The following NCOA2 variants were observed in gnomAD, a reference collection of about 807,000 sequenced individuals.
NCOA2 encodes the protein nuclear receptor coactivator 2, also known as class E basic helix-loop-helix protein 75.
Under a neutral mutation model 145.1 loss-of-function variants are expected in NCOA2, and 21 were observed. That is an observed-to-expected ratio of 0.14 (90% CI 0.10 to 0.21). The LOEUF is 0.21. Among genes scored for constraint, NCOA2 ranks in the 10% least tolerant of loss-of-function variants. The probability of loss-of-function intolerance (pLI) is 1.00; values close to 1 mark genes in which losing one functional copy is unlikely to be tolerated. For missense variants in NCOA2, 1,472 were observed against 1,837.6 expected (o/e 0.80, Z 3.64); for synonymous variants, 619 against 637.5 (o/e 0.97, Z 0.44).
At chr8:70,405,961 G>C (rs1314741088), upstream of NCOA2, among the ~76,000 whole-genome samples, 1 of 152,196 alleles carries the variant, frequency 6.6e-6, no homozygotes, top group East Asian at 1.9e-4. Flanking sequence ...GCCTGAGCTT[G>C]AATTGAATTG....
intron 4 of NCOA2, among the ~76,000 whole-genome samples, chr8:70,192,936 G>A (rs542248515): frequency 2.3e-4 from 35 of 151,888 alleles, no homozygotes; most frequent in South Asian, 8.4e-4. Context: ...GCATGGTGGC[G>A]CATGTCTGTA....
chr8:70,389,738 A>G (rs1042765421), intron 1 of NCOA2, among the ~76,000 whole-genome samples: 2 of 151,880 alleles, frequency 1.3e-5, no homozygotes, highest in African/African-American at 4.8e-5. Flanking sequence ...GTGCAATCTC[A>G]GCTCACTGCA....
chr8:70,313,588 T>A (rs1805306681), intron 1 of NCOA2, among the ~76,000 whole-genome samples: 1 of 152,168 alleles, frequency 6.6e-6, no homozygotes, highest in African/African-American at 2.4e-5. Flanking sequence ...ACCTCATATA[T>A]ATGAAATGTT....
intron 2 of NCOA2, among the ~76,000 whole-genome samples, chr8:70,293,119 T>C (rs927404464): frequency 1.3e-5 from 2 of 152,190 alleles, no homozygotes; most frequent in African/African-American, 2.4e-5. Flanking sequence ...AAAATAGTGA[T>C]ATAAATAAAT....
chr8:70,274,698 T>A (rs1825337226), intron 2 of NCOA2, among the ~76,000 whole-genome samples: 1 of 152,212 alleles, frequency 6.6e-6, no homozygotes, highest in African/African-American at 2.4e-5. Flanking sequence ...ATGATTTTCT[T>A]CCAAAATAAC....
chr8:70,435,586 A>G, the NCOA2 span, among the ~76,000 whole-genome samples: 5 of 151,560 alleles, frequency 3.3e-5, no homozygotes, highest in Non-Finnish European at 7.4e-5. Context: ...GGGGATAATA[A>G]TAGTACTGTC....
intron 19 of NCOA2, chr8:70,126,556 T>TA: frequency 5.7e-6 from 3 of 529,300 alleles, no homozygotes; most frequent in Non-Finnish European, 1.0e-5. Context: ...CACACACACT[T>TA]ACTTCGGTCA....
At chr8:70,306,762 C>T (rs1827928722) in intron 1 of NCOA2, among the ~76,000 whole-genome samples, 1 of 152,034 alleles carries the variant, frequency 6.6e-6, no homozygotes, top group Non-Finnish European at 1.5e-5. Flanking sequence ...GCCTGCAGTC[C>T]CAGCTACTTG....
chr8:70,358,160 T>A (rs1305979796), intron 1 of NCOA2, among the ~76,000 whole-genome samples: 1 of 152,172 alleles, frequency 6.6e-6, no homozygotes, highest in Non-Finnish European at 1.5e-5. Context: ...TTAGGAGACT[T>A]AATACTGTTA....
At chr8:70,138,412 T>G (rs950848097) in intron 14 of NCOA2, 80 bp from the exon 15 acceptor site, 20 of 1,346,940 alleles carry the variant, frequency 1.5e-5, no homozygotes, top group Non-Finnish European at 1.9e-5. Flanking sequence ...AAGTGAAATG[T>G]CTGGTTTATG....
At chr8:70,235,350 G>A (rs1305135918) in intron 2 of NCOA2, among the ~76,000 whole-genome samples, 1 of 152,126 alleles carries the variant, frequency 6.6e-6, no homozygotes, top group Admixed American at 6.5e-5. Flanking sequence ...TTCTAGAAAT[G>A]AATAATGGTG....
At chr8:70,121,484 A>AG in intron 21 of NCOA2, 93 bp from the exon 22 acceptor site, 2 of 932,838 alleles carry the variant, frequency 2.1e-6, no homozygotes, top group Non-Finnish European at 3.4e-6. Flanking sequence ...CTCTGTTTTT[A>AG]GGGGTGTAAA....
At chr8:70,280,997 T>A (rs1479667593) in intron 2 of NCOA2, among the ~76,000 whole-genome samples, 1 of 151,270 alleles carries the variant, frequency 6.6e-6, no homozygotes, top group Non-Finnish European at 1.5e-5. Context: ...GGTGTACACA[T>A]CTGCATCCTG....
intron 1 of NCOA2, among the ~76,000 whole-genome samples, chr8:70,311,056 GCA>G (rs1805074195): frequency 1.3e-5 from 2 of 151,822 alleles, no homozygotes; most frequent in Admixed American, 1.3e-4. Flanking sequence ...TTAGCACCTA[GCA>G]CAATGTCTCG....
At position 70,213,899 on chromosome 8, in the gene NCOA2, T is replaced by C; in HGVS notation, c.259+4A>G. The C allele has an allele frequency of 6.3e-7, 1 of 1,578,498 alleles. No individual in the cohort carries two copies. The highest frequency in any genetic ancestry group is 1.2e-5 in the South Asian group (1 of 86,678). ...TCTTCAAAATACTAATTCAGTCCTC[T>C]TACCTTGTTCTTTGATCTGACGAAT... On this transcript the variant is annotated splice_donor_region_variant and intron_variant, in intron 4 of 22. Coordinates refer to ENST00000452400, the MANE Select transcript of NCOA2 (RefSeq NM_006540.4).
At chr8:70,146,201 A>G (rs1390587956) in intron 12 of NCOA2, among the ~76,000 whole-genome samples, 1 of 152,244 alleles carries the variant, frequency 6.6e-6, no homozygotes. Flanking sequence ...CTAAAGCAGT[A>G]TTAAATTAAA....
At chr8:70,204,357 T>C (rs1818225327) in intron 4 of NCOA2, among the ~76,000 whole-genome samples, 1 of 152,166 alleles carries the variant, frequency 6.6e-6, no homozygotes. Context: ...GGATTCTTCA[T>C]CCTTACAAAA....
intron 4 of NCOA2, among the ~76,000 whole-genome samples, chr8:70,201,885 A>G (rs1817932243): frequency 6.6e-6 from 1 of 152,168 alleles, no homozygotes; most frequent in African/African-American, 2.4e-5. Flanking sequence ...TCATTCTCCT[A>G]TTGACTTCTA....
intron 7 of NCOA2, among the ~76,000 whole-genome samples, chr8:70,165,586 G>A (rs1032135551): frequency 2.6e-5 from 4 of 152,176 alleles, no homozygotes; most frequent in African/African-American, 4.8e-5. Context: ...ACTCAGCTGT[G>A]TGGACGGCTT....
Sources: gnomAD v4.1 joint callset for allele counts (sites outside exome capture counted in the v4.1 genomes callset) on GRCh38, gnomAD v4.1.1 for gene constraint, MANE v1.5 for transcripts, NCBI Gene and HGNC (gene_info 2026-07-23, HGNC 2026-07-21) for gene names.